Variants in MACROH2A1 observed in about 807,000 individuals in gnomAD.
The protein encoded by MACROH2A1 is macroH2A.1 histone.
MACROH2A1 carries 2 observed loss-of-function variants against 31.6 expected under a neutral mutation model. The ratio of observed to expected loss-of-function variants is 0.06; its 90% confidence interval spans 0.03 to 0.20. The LOEUF is 0.20. Among genes scored for constraint, MACROH2A1 ranks in the 10% least tolerant of loss-of-function variants. MACROH2A1 has a pLI of 1.00. For synonymous variants in MACROH2A1, 169 were observed against 189.6 expected (o/e 0.89, Z 0.89); for missense variants, 230 against 474.0 (o/e 0.49, Z 4.78).
chr5:135,373,915 T>C (rs1296627955), intron 2 of MACROH2A1, among the ~76,000 whole-genome samples: 1 of 152,160 alleles, frequency 6.6e-6, no homozygotes, highest in African/African-American at 2.4e-5. Flanking sequence ...CTGTTTACTC[T>C]TGCATTTTTT....
intron 8 of MACROH2A1, chr5:135,343,045 A>AAACTT: frequency 1.7e-6 from 2 of 1,171,976 alleles, no homozygotes; most frequent in Non-Finnish European, 2.3e-6. Context: ...TTTGCTATCA[A>AAACTT]AACTTAAGTT....
At chr5:135,358,649 T>C in intron 5 of MACROH2A1, 1 of 972,558 alleles carries the variant, frequency 1.0e-6, no homozygotes, top group Non-Finnish European at 1.2e-6. Context: ...TTAATTTCAC[T>C]GTTAAGCTAA....
intron 5 of MACROH2A1, chr5:135,355,205 G>A: frequency 2.2e-6 from 1 of 456,052 alleles, no homozygotes; most frequent in Non-Finnish European, 4.4e-6. Context: ...GATTCTCTGG[G>A]GGAAACTTGG....
intron 1 of MACROH2A1, among the ~76,000 whole-genome samples, chr5:135,396,852 C>T (rs907837510): frequency 1.3e-5 from 2 of 152,056 alleles, no homozygotes; most frequent in Non-Finnish European, 2.9e-5. Context: ...CAGGTTTGGT[C>T]CAAGCAAACA....
chr5:135,346,893 C>T (rs911702119), intron 6 of MACROH2A1: 2 of 152,222 alleles, frequency 1.3e-5, no homozygotes, highest in Non-Finnish European at 2.9e-5. Flanking sequence ...ACAAGATCAC[C>T]AACACCTATG....
At chr5:135,392,464 T>A (rs1355714714) in intron 1 of MACROH2A1, among the ~76,000 whole-genome samples, 4 of 152,236 alleles carry the variant, frequency 2.6e-5, no homozygotes, top group African/African-American at 9.6e-5. Context: ...CCCCATGTTC[T>A]TCCTGCACTT....
intron 5 of MACROH2A1, chr5:135,359,811 T>G: frequency 4.2e-6 from 4 of 950,562 alleles, no homozygotes; most frequent in Non-Finnish European, 5.0e-6. Flanking sequence ...CCCTTTTTGA[T>G]GTCAATAAAG....
chr5:135,361,260 C>T (rs1218722898), intron 4 of MACROH2A1: 3 of 155,638 alleles, frequency 1.9e-5, no homozygotes, highest in Non-Finnish European at 4.3e-5. Flanking sequence ...AGGTACATGA[C>T]ATGGAGAGTT....
chr5:135,381,492 A>G (rs1351595280), intron 2 of MACROH2A1, among the ~76,000 whole-genome samples: 1 of 152,162 alleles, frequency 6.6e-6, no homozygotes, highest in African/African-American at 2.4e-5. Flanking sequence ...GCATGCACCT[A>G]TAGTCTCAGC....
intron 8 of MACROH2A1, among the ~76,000 whole-genome samples, chr5:135,341,216 C>T (rs887421011): frequency 2.0e-5 from 3 of 152,248 alleles, no homozygotes; most frequent in African/African-American, 7.2e-5. Flanking sequence ...TATAGCCTCA[C>T]TTGCTGATAA....
At chr5:135,366,889 A>AATTC (rs1185655549) in intron 4 of MACROH2A1, among the ~76,000 whole-genome samples, 3 of 152,212 alleles carry the variant, frequency 2.0e-5, no homozygotes, top group African/African-American at 7.2e-5. Context: ...GACTTGCCTG[A>AATTC]AGCCACCCAA....
rs193004540 is a variant in MACROH2A1, at chr5:135,364,628, T to C, written c.478-4021A>G. Among the ~76,000 whole-genome samples, 12 of 152,322 alleles carry C rather than the reference T, an allele frequency of 7.9e-5. No homozygotes were observed. In the East Asian group the frequency reaches 2.1e-3, roughly 27 times the overall value. ...TTTGTTCTGAGCAGCAGAAAACCTG[T>C]TAGGTCAGAGTCAGCTGGGAGACAT... On this transcript the variant is annotated intron_variant, in intron 4 of 8. Coordinates refer to ENST00000511689, the MANE Select transcript of MACROH2A1 (RefSeq NM_138610.3).
chr5:135,339,806 G>C (rs541757992), intron 8 of MACROH2A1, among the ~76,000 whole-genome samples: 1 of 152,320 alleles, frequency 6.6e-6, no homozygotes, highest in South Asian at 2.1e-4. Context: ...ACATTCAGAA[G>C]CGATGGTGAT....
chr5:135,342,821 G>C (rs1448588899), intron 8 of MACROH2A1, among the ~76,000 whole-genome samples: 4 of 152,154 alleles, frequency 2.6e-5, no homozygotes, highest in African/African-American at 9.7e-5. Context: ...AAAGGAAAGG[G>C]GCAGAGGGCT....
chr5:135,337,853 GGTT>G lies in MACROH2A1; in HGVS notation c.954-2715_954-2713del, dbSNP rs1303669277. 3 of 728,268 alleles carry G rather than the reference GGTT, an allele frequency of 4.1e-6. No homozygotes were observed. The African/African-American group carries it at 5.7e-5, about 14-fold the overall frequency. 45.1% of individuals were successfully genotyped at this position (728,268 alleles called of 1,614,324 possible). A position where few individuals can be genotyped will look rare whatever the true frequency, so the allele number is the denominator to read the frequency against. The stretch of plus-strand genomic sequence containing the variant: ...GTCCCTGGCCTTGCAAGCATTTCAG[GGTT>G]GTTGGTGGGTGAACATGAATCTGGA... On this transcript the variant is annotated intron_variant, in intron 8 of 8. Transcript: ENST00000511689.
chr5:135,362,763 TCTA>T lies in MACROH2A1; in HGVS notation c.478-2159_478-2157del, dbSNP rs138181410. ...GTGCTAACTATCCAATCTTGTAGAA[TCTA>T]CTACTTAATGCTTTTATAAAAGTCA... On this transcript the variant is annotated intron_variant, in intron 4 of 8. Transcript: ENST00000511689. The T allele has an allele frequency of 6.3e-3, 954 of 152,354 alleles. 11 individuals carry two copies. The highest frequency in any genetic ancestry group is 0.022 in the African/African-American group (904 of 41,570). The allele number at this position is 152,354 out of a possible 1,614,324, so 9.4% of individuals were successfully genotyped here.
intron 1 of MACROH2A1, 152 bp from the exon 2 acceptor site, chr5:135,389,278 C>T (rs989584201): frequency 6.5e-6 from 3 of 460,078 alleles, no homozygotes; most frequent in Non-Finnish European, 1.2e-5. Context: ...TGATGCACTC[C>T]GCTGGAGCAG....
At chr5:135,389,936 G>A (rs1011543853) in intron 1 of MACROH2A1, among the ~76,000 whole-genome samples, 1 of 152,200 alleles carries the variant, frequency 6.6e-6, no homozygotes, top group Non-Finnish European at 1.5e-5. Context: ...ACACCCACCT[G>A]AACATGCCCC....
chr5:135,337,480 AG>A (rs1181455072), intron 8 of MACROH2A1, among the ~76,000 whole-genome samples: 2 of 152,360 alleles, frequency 1.3e-5, no homozygotes, highest in East Asian at 3.9e-4. Flanking sequence ...ACCCCTCCTG[AG>A]GCTTTCCTTG....
Sources: gnomAD v4.1 joint callset for allele counts (sites outside exome capture counted in the v4.1 genomes callset) on GRCh38, gnomAD v4.1.1 for gene constraint, MANE v1.5 for transcripts, NCBI Gene and HGNC (gene_info 2026-07-23, HGNC 2026-07-21) for gene names.